Variants in DCC observed in about 807,000 individuals in gnomAD.
DCC encodes netrin receptor DCC.
DCC carries 58 observed loss-of-function variants against 172.5 expected under a neutral mutation model. The observed-to-expected ratio is 0.34, with a 90% confidence interval of 0.27 to 0.42. The LOEUF is 0.42. Among genes scored for constraint, DCC ranks in the 10% least tolerant of loss-of-function variants. DCC has a pLI of 1.00. For missense variants in DCC, 1,740 were observed against 1,791.0 expected (o/e 0.97, Z 0.51); for synonymous variants, 709 against 644.5 (o/e 1.10, Z -1.52).
At chr18:52,523,234 G>A (rs529647708) in intron 1 of DCC, among the ~76,000 whole-genome samples, 4 of 152,224 alleles carry the variant, frequency 2.6e-5, no homozygotes, top group East Asian at 1.9e-4. Flanking sequence ...GTGTCTAGGG[G>A]AACATGGAGA....
At chr18:52,764,660 G>A (rs920135937) in intron 2 of DCC, among the ~76,000 whole-genome samples, 1 of 152,342 alleles carries the variant, frequency 6.6e-6, no homozygotes, top group Admixed American at 6.5e-5. Context: ...ATCAGAAGTA[G>A]ATGTTGGCAC....
intron 25 of DCC, among the ~76,000 whole-genome samples, chr18:53,486,531 T>C (rs1217819601): frequency 6.6e-6 from 1 of 152,216 alleles, no homozygotes; most frequent in Non-Finnish European, 1.5e-5. Flanking sequence ...GGTGGATTTA[T>C]GGTAACTTGA....
At chr18:53,322,025 C>T (rs370913930) in intron 13 of DCC, 22 bp from the exon 14 acceptor site, 43 of 1,357,242 alleles carry the variant, frequency 3.2e-5, no homozygotes, top group Middle Eastern at 1.8e-4. Context: ...TTTCTTCCCC[C>T]CTGTGGAAAA....
At chr18:53,291,601 T>C (rs1471570642) in intron 12 of DCC, among the ~76,000 whole-genome samples, 1 of 152,214 alleles carries the variant, frequency 6.6e-6, no homozygotes, top group East Asian at 1.9e-4. Flanking sequence ...TGTGCCTTTC[T>C]AGGGTGTAAT....
chr18:52,793,697 C>T (rs894331037), intron 2 of DCC, among the ~76,000 whole-genome samples: 1 of 152,086 alleles, frequency 6.6e-6, no homozygotes, highest in African/African-American at 2.4e-5. Context: ...AAAGTCTTGG[C>T]CATAAAATCT....
intron 21 of DCC, among the ~76,000 whole-genome samples, chr18:53,428,584 T>C (rs1911286267): frequency 2.1e-5 from 1 of 47,954 alleles, no homozygotes; most frequent in African/African-American, 6.0e-5. Flanking sequence ...ATATAAAATA[T>C]ATATTTTTAT....
rs143431853 is a variant in DCC at position 52,829,607 on chromosome 18, C to T, written c.413-76437C>T. Among the ~76,000 whole-genome samples the T allele has an allele frequency of 1.1e-4, 17 of 152,254 alleles. 1 individual carries two copies. The highest frequency in any genetic ancestry group is 8.3e-4 in the South Asian group (4 of 4,832). Reference sequence around the variant, plus strand: ...AAGAGTCTGACAGGACCCCACTACTCAGACCTCAAGAAGTGCTTTGTAGCA... The same window carrying T: ...AAGAGTCTGACAGGACCCCACTACTTAGACCTCAAGAAGTGCTTTGTAGCA... On this transcript the variant is annotated intron_variant, in intron 2 of 28. Transcript: ENST00000442544.
intron 1 of DCC, among the ~76,000 whole-genome samples, chr18:52,512,721 T>C (rs1417236930): frequency 6.6e-6 from 1 of 151,910 alleles, no homozygotes; most frequent in Non-Finnish European, 1.5e-5. Context: ...AACTAGTAAA[T>C]ATACAGTAGA....
At chr18:53,526,810 G>C (rs371895625) in intron 28 of DCC, 51 bp downstream of exon 28, 4 of 1,600,152 alleles carry the variant, frequency 2.5e-6, no homozygotes, top group Non-Finnish European at 3.4e-6. Flanking sequence ...ATTGACTGGC[G>C]CTGTGTAATA....
At chr18:52,572,304 G>A (rs1383033555) in intron 1 of DCC, among the ~76,000 whole-genome samples, 1 of 152,168 alleles carries the variant, frequency 6.6e-6, no homozygotes, top group Non-Finnish European at 1.5e-5. Context: ...AATCAGGAAG[G>A]AGGGAAAGGA....
chr18:53,383,695 G>C (rs1907936565), intron 15 of DCC, among the ~76,000 whole-genome samples: 1 of 151,512 alleles, frequency 6.6e-6, no homozygotes, highest in Non-Finnish European at 1.5e-5. Context: ...TTTTTTAGCA[G>C]ACAGAGCTGG....
intron 12 of DCC, among the ~76,000 whole-genome samples, chr18:53,235,446 C>G (rs970823211): frequency 6.6e-6 from 1 of 152,120 alleles, no homozygotes; most frequent in African/African-American, 2.4e-5. Context: ...AAATAAGTCA[C>G]TATTTCTTTC....
intron 2 of DCC, among the ~76,000 whole-genome samples, chr18:52,894,146 C>A (rs114423213): frequency 0.017 from 2,618 of 152,216 alleles, 54 homozygotes; most frequent in African/African-American, 0.046. Context: ...TTCTGAAGCT[C>A]TTTTCTGATT....
intron 7 of DCC, among the ~76,000 whole-genome samples, chr18:53,090,732 A>AAAAAAAAAAAAAAAAAAT (rs1568298492): frequency 1.1e-4 from 14 of 129,078 alleles, no homozygotes; most frequent in Non-Finnish European, 2.0e-4. Flanking sequence ...AAAAAAAAAA[A>AAAAAAAAAAAAAAAAAAT]AAGAATGTAT....
intron 15 of DCC, 125 bp from the exon 16 acceptor site, chr18:53,385,918 C>T (rs967155466): frequency 5.5e-6 from 4 of 727,008 alleles, no homozygotes; most frequent in Non-Finnish European, 9.8e-6. Context: ...GAATCCAACT[C>T]ACTCATTCTT....
intron 1 of DCC, among the ~76,000 whole-genome samples, chr18:52,634,249 G>A (rs1027957693): frequency 6.6e-6 from 1 of 152,190 alleles, no homozygotes; most frequent in Non-Finnish European, 1.5e-5. Flanking sequence ...TAATCGGTTA[G>A]GCACTTTTTA....
chr18:53,520,448 G>A (rs899405266), intron 27 of DCC, among the ~76,000 whole-genome samples: 4 of 151,976 alleles, frequency 2.6e-5, no homozygotes, highest in Admixed American at 2.0e-4. Context: ...TTAGACACAC[G>A]GGAAGGTGAC....
At chr18:53,350,764 G>T (rs2057782419) in intron 15 of DCC, among the ~76,000 whole-genome samples, 1 of 151,968 alleles carries the variant, frequency 6.6e-6, no homozygotes, top group Non-Finnish European at 1.5e-5. Flanking sequence ...TTATATTGTG[G>T]TCATTGCAAT....
chr18:52,991,963 C>A (rs2041400249), intron 5 of DCC, among the ~76,000 whole-genome samples: 1 of 152,224 alleles, frequency 6.6e-6, no homozygotes, highest in African/African-American at 2.4e-5. Flanking sequence ...CCATAGAAGT[C>A]TGCAAGGGAT....
Sources: gnomAD v4.1 joint callset for allele counts (sites outside exome capture counted in the v4.1 genomes callset) on GRCh38, gnomAD v4.1.1 for gene constraint, MANE v1.5 for transcripts, NCBI Gene and HGNC (gene_info 2026-07-23, HGNC 2026-07-21) for gene names.